MYH10: variants seen among roughly 807,000 people sequenced by gnomAD.
MYH10 encodes myosin-10.
A neutral mutation model predicts 257.8 loss-of-function variants in MYH10; 55 were observed. That is an observed-to-expected ratio of 0.21 (90% CI 0.17 to 0.27). The LOEUF (loss-of-function observed/expected upper bound fraction) is 0.27, where lower values mean the gene tolerates loss of function less well. Among genes scored for constraint, MYH10 ranks in the 10% least tolerant of loss-of-function variants. MYH10 has a pLI of 1.00. For missense variants in MYH10, 1,631 were observed against 2,500.6 expected (o/e 0.65, Z 7.42); for synonymous variants, 854 against 921.7 (o/e 0.93, Z 1.33).
rs2081022102 is a variant in MYH10 at position 8,504,852 on chromosome 17, T to C, written c.3441A>G (p.Leu1147=). Residue 1147 remains leucine (L), a synonymous_variant, in exon 28 of 43, where the codon CTA becomes CTG. Coordinates refer to ENST00000360416, the MANE Select transcript of MYH10 (RefSeq NM_001256012.3). The surrounding 1 kb of genome is among the most constrained non-coding windows in gnomAD (Gnocchi z 5.6). ...KNNALKVVRE[L]QAQIAELQED... ...CCTGAAGTTCAGCAATTTGGGCTTG[T>C]AGCTCTCGCACAACTTTAAGGGCAT... is the stretch of plus-strand genomic sequence containing the variant. 4.3e-6 allele frequency: 7 copies of C among 1,614,252 alleles called. No homozygotes were observed. Among genetic ancestry groups the C allele is most frequent in the Non-Finnish European group, 5.9e-6 (7 of 1,180,044 alleles).
intron 7 of MYH10, among the ~76,000 whole-genome samples, chr17:8,554,666 C>G (rs1328973782): frequency 1.3e-5 from 2 of 152,138 alleles, no homozygotes; most frequent in Non-Finnish European, 2.9e-5. Context: ...ACAAGGAAAG[C>G]AAGCTGGGCG....
At chr17:8,550,456 C>A (rs1230221874) in intron 9 of MYH10, among the ~76,000 whole-genome samples, 1 of 151,534 alleles carries the variant, frequency 6.6e-6, no homozygotes, top group Non-Finnish European at 1.5e-5. Flanking sequence ...GCCCGGCAGC[C>A]GCCCCGTCTG....
At position 8,555,899 on chromosome 17, in the gene MYH10, C is replaced by T. The variant is rs1006044881; in HGVS notation, c.757-1881G>A. On this transcript the variant is annotated intron_variant, in intron 7 of 42. Coordinates refer to ENST00000360416, the MANE Select transcript of MYH10 (RefSeq NM_001256012.3). The stretch of plus-strand genomic sequence containing the variant: ...TTTGGGAAACACATGTGATAAAAGG[C>T]TTGTTGCCAGAATATACAAAGAACT... 5.6e-5 allele frequency among the ~76,000 whole-genome samples: 3 copies of T among 53,734 alleles called. No homozygotes were observed. The East Asian group carries it at 2.3e-3, about 41-fold the overall frequency. The allele number at this position is 53,734 out of a possible 152,430, so 35.3% of individuals were successfully genotyped here. A position where few individuals can be genotyped will look rare whatever the true frequency, so the allele number is the denominator to read the frequency against.
intron 7 of MYH10, among the ~76,000 whole-genome samples, chr17:8,568,829 T>C (rs972751952): frequency 6.6e-6 from 1 of 151,992 alleles, no homozygotes; most frequent in Admixed American, 6.5e-5. Flanking sequence ...AACAGAGACC[T>C]GGCCATCACT....
In MYH10 at chr17:8,530,684, C is replaced by A; in HGVS notation, c.1896G>T (p.Glu632Asp). 1 of 1,548,728 alleles carries A rather than the reference C, an allele frequency of 6.5e-7. No homozygotes were observed. Among genetic ancestry groups the A allele is most frequent in the Admixed American group, 2.0e-5 (1 of 50,618 alleles). ...DRFVAELWKD[E>D]IQNIQRASFY... ...AAGAAGCTCTCTGAATATTCTGAAT[C>A]TCTAAAGCAGAGAAACAGCAAAAAC... The change falls in exon 17 of 43, where the codon GAG (glutamate) becomes GAT (aspartate). Residue 632 changes from glutamate to aspartate, a missense_variant and splice_region_variant. By Grantham distance (45) the Glu-to-Asp change is conservative. Coordinates refer to ENST00000360416, the MANE Select transcript of MYH10 (RefSeq NM_001256012.3).
Position 8,513,826 on chromosome 17 carries a change from A to C in MYH10, c.2573T>G (p.Leu858Arg), listed in dbSNP as rs2081375980. The C allele has an allele frequency of 6.2e-7, 1 of 1,614,106 alleles. No homozygotes were observed. Among genetic ancestry groups the C allele is most frequent in the Non-Finnish European group, 8.5e-7 (1 of 1,180,042 alleles). Reference sequence around the variant, plus strand: ...CCACCACTGCCAGTGCCGTAATTTCAGGTACGCGGCACAGTTCCGCTGCAA... The same window carrying C: ...CCACCACTGCCAGTGCCGTAATTTCCGGTACGCGGCACAGTTCCGCTGCAA... ...KVLQRNCAAY[L>R]KLRHWQWWRV... The change falls in exon 22 of 43, where the codon CTG becomes CGG. Residue 858 changes from leucine to arginine, a missense_variant. Physicochemically the swap from Leu to Arg is moderately radical, Grantham distance 102 (BLOSUM62 -2). Around this residue, in one of 11 missense-constraint regions of MYH10, gnomAD observed 116 missense variants for 221.6 expected, o/e 0.52. Transcript: ENST00000360416.
intron 17 of MYH10, among the ~76,000 whole-genome samples, chr17:8,528,592 T>C (rs2081924161): frequency 6.6e-6 from 1 of 152,172 alleles, no homozygotes; most frequent in African/African-American, 2.4e-5. Flanking sequence ...CTTCCCATCA[T>C]TACACATGTA....
rs1296757902 is a variant in MYH10, at chr17:8,480,272, T to C, written c.5435A>G (p.Gln1812Arg). 6.2e-7 allele frequency: 1 copy of C among 1,614,136 alleles called. No individual in the cohort carries two copies. Residue 1812 changes from glutamine (Q) to arginine (R), a missense_variant, in exon 40 of 43, where the codon CAG (glutamine) becomes CGG (arginine). Physicochemically the swap from Gln to Arg is conservative, Grantham distance 43 (BLOSUM62 1). Around this residue, in one of 11 missense-constraint regions of MYH10, gnomAD observed 343 missense variants for 389.5 expected, o/e 0.88. Transcript: ENST00000360416. ...AELAAERSAA[Q>R]KSDNARQQLE... is the part of the protein sequence containing the mutation. The stretch of plus-strand genomic sequence containing the variant: ...TTGCTGGCGTGCATTGTCACTCTTC[T>C]GGGCGGCGCTGCGCTCGGCTGCTAG...
Position 8,508,636 on chromosome 17 carries a change from A to G in MYH10, c.3132T>C (p.Ser1044=). The G allele has an allele frequency of 6.2e-7, 1 of 1,614,104 alleles. No homozygotes were observed. Among genetic ancestry groups the G allele is most frequent in the South Asian group, 1.1e-5 (1 of 91,086 alleles). ...LMEDRIAECS[S]QLAEEEEKAK... is the part of the protein sequence containing the mutation. The stretch of plus-strand genomic sequence containing the variant: ...CCTTTTCTTCCTCTTCAGCCAGCTG[A>G]GAGGAACACTCAGCAATGCGATCTT... The change falls in exon 26 of 43, where the codon TCT becomes TCC. Residue 1044 remains serine (S), a synonymous_variant. Transcript: ENST00000360416.
chr17:8,624,242 T>G (rs372913948), intron 1 of MYH10, among the ~76,000 whole-genome samples: 1 of 152,208 alleles, frequency 6.6e-6, no homozygotes, highest in East Asian at 1.9e-4. Context: ...GCTCCATCAC[T>G]TTGTGGCTAA....
At chr17:8,612,256 A>G (rs116396158) in intron 2 of MYH10, among the ~76,000 whole-genome samples, 77 of 151,784 alleles carry the variant, frequency 5.1e-4, no homozygotes, top group African/African-American at 1.7e-3. Flanking sequence ...CAATTCTGAT[A>G]TGCCAAAGAG....
intron 7 of MYH10, chr17:8,561,213 C>T (rs777982600): frequency 3.9e-5 from 30 of 771,326 alleles, no homozygotes; most frequent in African/African-American, 1.2e-4. Flanking sequence ...CTCTCCTCTC[C>T]GGTCCGTGCC....
chr17:8,560,927 G>C, intron 7 of MYH10: 1 of 476,470 alleles, frequency 2.1e-6, no homozygotes, highest in African/African-American at 2.0e-5. Context: ...TGGTGAGACT[G>C]GCAAGAAGAT....
At chr17:8,500,400 A>C (rs529696941) in intron 29 of MYH10, among the ~76,000 whole-genome samples, 1 of 152,342 alleles carries the variant, frequency 6.6e-6, no homozygotes, top group East Asian at 1.9e-4. Flanking sequence ...GGCTGAGGTG[A>C]GATCACAGGC....
intron 7 of MYH10, among the ~76,000 whole-genome samples, chr17:8,556,605 G>C (rs1392679892): frequency 2.0e-5 from 3 of 152,226 alleles, no homozygotes; most frequent in African/African-American, 7.2e-5. Context: ...TGGTTTCAGG[G>C]GCAGGGGCAG....
At chr17:8,528,011 G>T (rs909114436) in intron 17 of MYH10, among the ~76,000 whole-genome samples, 3 of 152,180 alleles carry the variant, frequency 2.0e-5, no homozygotes, top group African/African-American at 7.2e-5. Flanking sequence ...AATCTATATG[G>T]AGATTAAATG....
chr17:8,576,468 G>A (rs1313788532), intron 6 of MYH10, among the ~76,000 whole-genome samples, 175 bp downstream of exon 6: 1 of 152,026 alleles, frequency 6.6e-6, no homozygotes, highest in Admixed American at 6.6e-5. Flanking sequence ...AAAGCAAAAC[G>A]GCATGCGCTT....
At chr17:8,622,871 C>T in intron 2 of MYH10, 31 bp downstream of exon 2, 1 of 1,603,162 alleles carries the variant, frequency 6.2e-7, no homozygotes, top group Non-Finnish European at 8.5e-7. Flanking sequence ...CTAGCTACCA[C>T]TTCACATGAT....
intron 14 of MYH10, among the ~76,000 whole-genome samples, chr17:8,537,437 A>C (rs1174252485): frequency 2.0e-5 from 3 of 152,212 alleles, no homozygotes; most frequent in Non-Finnish European, 4.4e-5. Flanking sequence ...AGCGGGTGGA[A>C]GCTGAGGGAA....
Sources: allele counts gnomAD v4.1 joint callset (sites outside exome capture counted in the v4.1 genomes callset), GRCh38; gene constraint gnomAD v4.1.1; regional missense constraint gnomAD v4.1.1; non-coding constraint Gnocchi (gnomAD v3.1); transcripts MANE v1.5; gene names NCBI Gene and HGNC (gene_info 2026-07-23, HGNC 2026-07-21).